WWOX: variants seen among roughly 807,000 people sequenced by gnomAD.
WWOX encodes WW domain-containing oxidoreductase.
In WWOX, 69 loss-of-function variants were observed where a neutral mutation model predicts 46.2. That is an observed-to-expected ratio of 1.49 (90% CI 1.23 to 1.82). The LOEUF is 1.82. Among genes scored for constraint, WWOX ranks in the 40% most tolerant of loss-of-function variants. The pLI, the probability that WWOX is intolerant of heterozygous loss-of-function variation, is 0.00. For missense variants in WWOX, 919 were observed against 542.6 expected, an observed-to-expected ratio of 1.69 and a Z score of -6.89; for synonymous variants, 359 against 202.6, an observed-to-expected ratio of 1.77 and a Z score of -6.56.
chr16:78,909,501 G>T (rs899011238), intron 8 of WWOX, among the ~76,000 whole-genome samples: 14 of 152,274 alleles, frequency 9.2e-5, no homozygotes, highest in Non-Finnish European at 1.3e-4. Context: ...AGTGTGCACG[G>T]TTGGCCTCCT....
chr16:78,322,998 G>C (rs1016494008), intron 5 of WWOX, among the ~76,000 whole-genome samples: 1 of 151,986 alleles, frequency 6.6e-6, no homozygotes, highest in Non-Finnish European at 1.5e-5. Flanking sequence ...TTGGATGATG[G>C]GCCATTGCAC....
intron 8 of WWOX, among the ~76,000 whole-genome samples, chr16:78,613,330 A>G (rs2045943841): frequency 6.6e-6 from 1 of 152,068 alleles, no homozygotes; most frequent in African/African-American, 2.4e-5. Flanking sequence ...TGAAGTCCCG[A>G]TGCGTGATTT....
At chr16:78,363,914 G>A (rs369823549) in intron 5 of WWOX, among the ~76,000 whole-genome samples, 2 of 152,310 alleles carry the variant, frequency 1.3e-5, no homozygotes, top group Middle Eastern at 3.4e-3. Context: ...CCGTCTCTCC[G>A]CCATCTTGTT....
intron 8 of WWOX, among the ~76,000 whole-genome samples, chr16:79,000,381 G>T (rs2047070052): frequency 6.6e-6 from 1 of 152,184 alleles, no homozygotes; most frequent in African/African-American, 2.4e-5. Flanking sequence ...TAAGGTTGCA[G>T]ATGGAGTTAA....
intron 8 of WWOX, among the ~76,000 whole-genome samples, chr16:78,852,311 C>T (rs1314081032): frequency 3.9e-5 from 6 of 152,114 alleles, no homozygotes; most frequent in South Asian, 2.1e-4. Flanking sequence ...GAAGTGATAG[C>T]GCATGACCTC....
At chr16:78,221,230 G>C (rs2036876696) in intron 5 of WWOX, among the ~76,000 whole-genome samples, 1 of 152,036 alleles carries the variant, frequency 6.6e-6, no homozygotes, top group South Asian at 2.1e-4. Flanking sequence ...GAGATTAAAA[G>C]GTTTAGTAGG....
intron 5 of WWOX, among the ~76,000 whole-genome samples, chr16:78,323,532 G>C (rs2080537823): frequency 6.6e-6 from 1 of 152,090 alleles, no homozygotes; most frequent in Non-Finnish European, 1.5e-5. Flanking sequence ...TAAACTAATA[G>C]GTTACTGGGT....
intron 8 of WWOX, among the ~76,000 whole-genome samples, chr16:78,786,805 C>G (rs1202135900): frequency 6.6e-6 from 1 of 152,170 alleles, no homozygotes; most frequent in Non-Finnish European, 1.5e-5. Flanking sequence ...GTTTCTAATA[C>G]ATGCTTTATG....
chr16:78,196,678 C>A (rs1480155183), intron 5 of WWOX, among the ~76,000 whole-genome samples: 1 of 152,096 alleles, frequency 6.6e-6, no homozygotes, highest in Non-Finnish European at 1.5e-5. Flanking sequence ...AAAGCACAGC[C>A]TTGCAATGTC....
intron 8 of WWOX, among the ~76,000 whole-genome samples, chr16:78,630,583 T>C (rs749352429): frequency 3.2e-4 from 48 of 152,194 alleles, no homozygotes; most frequent in Admixed American, 6.5e-4. Flanking sequence ...ATGCATCCTG[T>C]GTGACCCCAC....
intron 8 of WWOX, among the ~76,000 whole-genome samples, chr16:78,532,372 C>T (rs183030602): frequency 3.3e-5 from 5 of 152,134 alleles, no homozygotes; most frequent in African/African-American, 1.2e-4. Context: ...GCCACCCACT[C>T]AGAGCCTTGA....
chr16:78,412,284 GGGA>G (rs1293945983), intron 6 of WWOX, among the ~76,000 whole-genome samples: 1 of 152,180 alleles, frequency 6.6e-6, no homozygotes, highest in African/African-American at 2.4e-5. Flanking sequence ...TATCAGGACG[GGGA>G]GGAGATGTGA....
chr16:78,192,428 G>A (rs1407864746), intron 5 of WWOX, among the ~76,000 whole-genome samples: 2 of 143,890 alleles, frequency 1.4e-5, no homozygotes, highest in Non-Finnish European at 1.5e-5. Context: ...GTAGGCGGAG[G>A]TTGCAGTGAG....
intron 8 of WWOX, among the ~76,000 whole-genome samples, chr16:78,487,760 G>C (rs2084675556): frequency 6.6e-6 from 1 of 152,120 alleles, no homozygotes; most frequent in South Asian, 2.1e-4. Flanking sequence ...CCCCTGGTTG[G>C]AAACTAGTGT....
intron 8 of WWOX, among the ~76,000 whole-genome samples, chr16:78,801,108 C>T (rs2050874263): frequency 1.3e-5 from 2 of 151,532 alleles, no homozygotes; most frequent in South Asian, 2.1e-4. Flanking sequence ...GGCTGGAGTG[C>T]AGTGGTGCAA....
intron 8 of WWOX, among the ~76,000 whole-genome samples, chr16:78,643,664 G>A (rs1458026808): frequency 6.6e-6 from 1 of 151,996 alleles, no homozygotes; most frequent in Non-Finnish European, 1.5e-5. Flanking sequence ...TCCTAATAAT[G>A]GCCCCGTTGT....
intron 8 of WWOX, among the ~76,000 whole-genome samples, chr16:79,122,069 G>C (rs1049639721): frequency 6.6e-6 from 1 of 152,174 alleles, no homozygotes; most frequent in African/African-American, 2.4e-5. Context: ...CACGCATGTA[G>C]GGTGTGAGGG....
chr16:79,145,480 T>A (rs1196268685), intron 8 of WWOX, among the ~76,000 whole-genome samples: 1 of 152,148 alleles, frequency 6.6e-6, no homozygotes, highest in Non-Finnish European at 1.5e-5. Context: ...GAGATTACAG[T>A]TATGAGCCAC....
intron 8 of WWOX, among the ~76,000 whole-genome samples, chr16:78,751,597 A>G (rs2049481922): frequency 6.6e-6 from 1 of 151,532 alleles, no homozygotes; most frequent in Admixed American, 6.6e-5. Flanking sequence ...ACATTCTTCC[A>G]TCAGTCATGC....
Sources: gnomAD v4.1 joint callset for allele counts (sites outside exome capture counted in the v4.1 genomes callset) on GRCh38, gnomAD v4.1.1 for gene constraint, MANE v1.5 for transcripts, NCBI Gene and HGNC (gene_info 2026-07-23, HGNC 2026-07-21) for gene names.